Variants in ATP6V0A2 observed in about 807,000 individuals in gnomAD.
ATP6V0A2 encodes the protein V-type proton ATPase 116 kDa subunit a 2.
In ATP6V0A2, 58 loss-of-function variants were observed where a neutral mutation model predicts 104.4. That is an observed-to-expected ratio of 0.56 (90% CI 0.45 to 0.69). ATP6V0A2 has a LOEUF of 0.69. Among genes scored for constraint, ATP6V0A2 ranks in the 30% least tolerant of loss-of-function variants. The probability of loss-of-function intolerance (pLI) is 0.00; values close to 1 mark genes in which losing one functional copy is unlikely to be tolerated. For missense variants in ATP6V0A2, 938 were observed against 1,062.9 expected, an observed-to-expected ratio of 0.88 and a Z score of 1.63; for synonymous variants, 376 against 397.9, an observed-to-expected ratio of 0.95 and a Z score of 0.65.
intron 9 of ATP6V0A2, among the ~76,000 whole-genome samples, chr12:123,740,556 T>TATA (rs1193919591): frequency 6.6e-6 from 1 of 152,202 alleles, no homozygotes; most frequent in African/African-American, 2.4e-5. Flanking sequence ...TCTTTCAATA[T>TATA]ATAGTCTTTG....
intron 18 of ATP6V0A2, 97 bp from the exon 19 acceptor site, chr12:123,756,718 T>C: frequency 1.5e-6 from 2 of 1,313,358 alleles, no homozygotes; most frequent in South Asian, 2.4e-5. Context: ...GGGATAATAG[T>C]TCAGGGCCGT....
Position 123,754,554 on chromosome 12 carries a change from A to T in ATP6V0A2, c.2293+17A>T, listed in dbSNP as rs1233935369. 1 of 1,578,662 alleles carries T rather than the reference A, an allele frequency of 6.3e-7. No individual in the cohort carries two copies. Among genetic ancestry groups the T allele is most frequent in the South Asian group, 1.1e-5 (1 of 90,360 alleles). On this transcript the variant is annotated intron_variant, in intron 18 of 19. Coordinates refer to ENST00000330342, the MANE Select transcript of ATP6V0A2 (RefSeq NM_012463.4). ...CTCACGCACGTAAGTTCCTGCTTAG[A>T]CCTGCAGTTCCCAATGCCCTGTAGT...
chr12:123,720,499 G>C (rs6488902), intron 2 of ATP6V0A2, among the ~76,000 whole-genome samples: 101,171 of 152,112 alleles, frequency 0.67, 34,001 homozygotes, highest in East Asian at 0.95. Context: ...GAGTTTGAGA[G>C]CAGTCTGGGC....
intron 2 of ATP6V0A2, chr12:123,721,627 T>G: frequency 4.7e-6 from 1 of 213,968 alleles, no homozygotes; most frequent in South Asian, 8.7e-5. Context: ...CCAGGTTTCA[T>G]GAACTTGCCC....
intron 18 of ATP6V0A2, among the ~76,000 whole-genome samples, chr12:123,755,425 A>G (rs1055215581): frequency 6.6e-6 from 1 of 151,668 alleles, no homozygotes; most frequent in Non-Finnish European, 1.5e-5. Context: ...AGTCCCAGCT[A>G]CTCAGGAGGC....
At chr12:123,743,548 G>T (rs1956629359) in intron 9 of ATP6V0A2, among the ~76,000 whole-genome samples, 9 of 151,998 alleles carry the variant, frequency 5.9e-5, no homozygotes, top group Admixed American at 5.9e-4. Context: ...AGCTACTAGG[G>T]AGGCTGAGGC....
intron 1 of ATP6V0A2, among the ~76,000 whole-genome samples, chr12:123,717,318 A>C (rs993523932): frequency 1.8e-4 from 7 of 38,944 alleles, no homozygotes; most frequent in Admixed American, 8.3e-4. Context: ...CTGTCTCAAA[A>C]AAAAAAAAAA....
chr12:123,752,230 G>T, intron 16 of ATP6V0A2, 53 bp from the exon 17 acceptor site: 1 of 1,611,752 alleles, frequency 6.2e-7, no homozygotes, highest in Admixed American at 1.7e-5. Flanking sequence ...GTTTGGTTTT[G>T]TCACAACCTT....
rs1414004996 is a variant in ATP6V0A2, at chr12:123,756,933, C to A, written c.2412C>A (p.Ile804=). 1.2e-6 allele frequency: 2 copies of A among 1,614,198 alleles called. No homozygotes were observed. The highest frequency in any genetic ancestry group is 2.7e-5 in the African/African-American group (2 of 75,046). The change falls in exon 19 of 20, where the codon ATC becomes ATA. Residue 804 remains isoleucine, a synonymous_variant. Transcript: ENST00000330342. ...TCTTTGCAGTTTTGACCATTTTCAT[C>A]CTTCTGATCATGGAAGGGCTTTCTG... ...IALFAVLTIF[I]LLIMEGLSAF...
rs886049062 is a variant in ATP6V0A2, at chr12:123,754,517, C to T, written c.2273C>T (p.Ala758Val). 7.4e-6 allele frequency: 12 copies of T among 1,613,994 alleles called. No individual in the cohort carries two copies. The East Asian group carries it at 2.2e-4, about 30-fold the overall frequency. The stretch of plus-strand genomic sequence containing the variant: ...ACCGCCTCCTACCTGAGGCTCTGGG[C>T]GCTTAGCCTGGCTCACGCACGTAAG... The part of the protein sequence containing the change: ...SNTASYLRLW[A>V]LSLAHAQLSD... The change falls in exon 18 of 20, where the codon GCG becomes GTG. Residue 758 changes from alanine (A) to valine (V), a missense_variant. Ala to Val is a moderately conservative substitution (Grantham distance 64). Transcript: ENST00000330342.
chr12:123,734,461 A>G (rs1379204719), intron 7 of ATP6V0A2, among the ~76,000 whole-genome samples: 1 of 152,158 alleles, frequency 6.6e-6, no homozygotes, highest in African/African-American at 2.4e-5. Context: ...TCGCTGTCTC[A>G]CTGGACTCAC....
chr12:123,736,905 A>C (rs1046473140), intron 8 of ATP6V0A2, among the ~76,000 whole-genome samples, 154 bp from the exon 9 acceptor site: 2 of 152,274 alleles, frequency 1.3e-5, no homozygotes, highest in Admixed American at 1.3e-4. Context: ...AGGGAGAAGG[A>C]AGGAATGGCT....
chr12:123,761,683 G>A lies in ATP6V0A2; in HGVS notation c.*3651G>A, dbSNP rs1956827620. ...ACTTTGCTCCACAAATGCATGAAAG[G>A]ACAAATTTGCATCTTCTATCAGTAT... On this transcript the variant is annotated 3_prime_UTR_variant, in exon 20 of 20. Coordinates refer to ENST00000330342, the MANE Select transcript of ATP6V0A2 (RefSeq NM_012463.4). The A allele has an allele frequency of 1.3e-5, 2 of 152,154 alleles. No homozygotes were observed. Among genetic ancestry groups the A allele is most frequent in the South Asian group, 4.1e-4 (2 of 4,832 alleles). The allele number at this position is 152,154 out of a possible 1,614,324, so 9.4% of individuals were successfully genotyped here. A position where few individuals can be genotyped will look rare whatever the true frequency, so the allele number is the denominator to read the frequency against.
chr12:123,760,902 T>G lies in ATP6V0A2; in HGVS notation c.*2870T>G, dbSNP rs1020038660. ...CAGCATCCCCTCAGCAGTTGTTTAT[T>G]TAAAAATTTTTTTATTTTTTTTGAG... is the stretch of plus-strand genomic sequence containing the variant. On this transcript the variant is annotated 3_prime_UTR_variant, in exon 20 of 20. Coordinates refer to ENST00000330342, the MANE Select transcript of ATP6V0A2 (RefSeq NM_012463.4). The G allele has an allele frequency of 6.6e-6, 1 of 152,222 alleles. No homozygotes were observed. Among genetic ancestry groups the G allele is most frequent in the Non-Finnish European group, 1.5e-5 (1 of 68,052 alleles). 9.4% of individuals were successfully genotyped at this position (152,222 alleles called of 1,614,324 possible). A position where few individuals can be genotyped will look rare whatever the true frequency, so the allele number is the denominator to read the frequency against.
In ATP6V0A2 at chr12:123,757,900, T is replaced by C. The variant is rs771946576; in HGVS notation, c.2466-27T>C. 2.0e-5 allele frequency: 28 copies of C among 1,403,662 alleles called. No individual in the cohort carries two copies. In the Admixed American group the frequency reaches 5.1e-4, roughly 25 times the overall value. 87.0% of individuals were successfully genotyped at this position (1,403,662 alleles called of 1,614,324 possible). On this transcript the variant is annotated intron_variant, in intron 19 of 19. Coordinates refer to ENST00000330342, the MANE Select transcript of ATP6V0A2 (RefSeq NM_012463.4). ...AGGAATGTGATTTCATAATCTTCCA[T>C]TAATACATGGCTTTTTTTTTTTTTA... is the stretch of plus-strand genomic sequence containing the variant.
At chr12:123,729,463 A>C (rs1485116850) in intron 6 of ATP6V0A2, among the ~76,000 whole-genome samples, 2 of 151,632 alleles carry the variant, frequency 1.3e-5, no homozygotes, top group Non-Finnish European at 2.9e-5. Context: ...GCACATATAC[A>C]TTTACAGCTG....
intron 6 of ATP6V0A2, among the ~76,000 whole-genome samples, chr12:123,730,041 G>A (rs1261718608): frequency 7.3e-6 from 1 of 137,222 alleles, no homozygotes; most frequent in African/African-American, 2.8e-5. Flanking sequence ...TCAGGAGTTA[G>A]GTCTTTTTTT....
At chr12:123,737,552 GCT>G (rs1297080673) in intron 9 of ATP6V0A2, 1 of 410,030 alleles carries the variant, frequency 2.4e-6, no homozygotes, top group African/African-American at 2.0e-5. Flanking sequence ...CCCAGCCTTG[GCT>G]CTGTTTTTGA....
chr12:123,756,545 T>G (rs1593923144), intron 18 of ATP6V0A2: 2 of 453,828 alleles, frequency 4.4e-6, no homozygotes, highest in Non-Finnish European at 8.0e-6. Context: ...CTTTGGGAGG[T>G]CACAACCCAA....
Sources: allele counts gnomAD v4.1 joint callset (sites outside exome capture counted in the v4.1 genomes callset), GRCh38; gene constraint gnomAD v4.1.1; transcripts MANE v1.5; gene names NCBI Gene and HGNC (gene_info 2026-07-23, HGNC 2026-07-21).